Variants in C7orf78 observed in about 807,000 individuals in gnomAD.
The protein encoded by C7orf78 is chromosome 7 open reading frame 78.
chr7:12,530,357 T>C, the C7orf78 span: 2 of 152,076 alleles, frequency 1.3e-5, no homozygotes, highest in Non-Finnish European at 2.9e-5. Context: ...AAAAGTATAT[T>C]TGGGGGTAAA....
the C7orf78 span, among the ~76,000 whole-genome samples, chr7:12,488,702 A>G: frequency 6.6e-6 from 1 of 152,112 alleles, no homozygotes; most frequent in Admixed American, 6.5e-5. Context: ...TGGACATTCA[A>G]TGAGGATAAA....
chr7:12,509,846 A>T, the C7orf78 span, among the ~76,000 whole-genome samples: 1 of 152,118 alleles, frequency 6.6e-6, no homozygotes, highest in African/African-American at 2.4e-5. Context: ...GTACTTTGGG[A>T]GGCCAAGGCA....
the C7orf78 span, among the ~76,000 whole-genome samples, chr7:12,538,652 A>G: frequency 6.6e-6 from 1 of 152,102 alleles, no homozygotes; most frequent in African/African-American, 2.4e-5. Context: ...TACAGGTCTG[A>G]TAAGAGGCAT....
At chr7:12,517,381 T>C in the C7orf78 span, among the ~76,000 whole-genome samples, 329 of 152,328 alleles carry the variant, frequency 2.2e-3, 1 homozygote, top group African/African-American at 7.7e-3. Flanking sequence ...CTCAAGTATG[T>C]TTTTATCGGC....
the C7orf78 span, among the ~76,000 whole-genome samples, chr7:12,486,675 T>C: frequency 2.0e-5 from 3 of 152,022 alleles, no homozygotes; most frequent in Admixed American, 6.6e-5. Context: ...TTAGTCAACA[T>C]TGTGGGCTCT....
chr7:12,535,963 C>T, the C7orf78 span, among the ~76,000 whole-genome samples: 2 of 152,318 alleles, frequency 1.3e-5, no homozygotes, highest in South Asian at 4.1e-4. Context: ...GATACAGCCT[C>T]CCACCCAGCT....
the C7orf78 span, among the ~76,000 whole-genome samples, chr7:12,496,063 C>T: frequency 6.6e-6 from 1 of 152,036 alleles, no homozygotes; most frequent in South Asian, 2.1e-4. Flanking sequence ...GTAGGTGCAA[C>T]TACAGGTGCC....
chr7:12,541,091 C>A, the C7orf78 span: 1 of 152,176 alleles, frequency 6.6e-6, no homozygotes, highest in Non-Finnish European at 1.5e-5. Flanking sequence ...ATGAAAGTTG[C>A]ATAATTTGAA....
chr7:12,487,460 G>A, the C7orf78 span, among the ~76,000 whole-genome samples: 1 of 152,168 alleles, frequency 6.6e-6, no homozygotes, highest in South Asian at 2.1e-4. Context: ...TCTCAGCAAG[G>A]AGAGAGTAAA....
the C7orf78 span, among the ~76,000 whole-genome samples, chr7:12,488,890 T>A: frequency 6.7e-6 from 1 of 149,146 alleles, no homozygotes; most frequent in South Asian, 2.1e-4. Context: ...ATTAAATCAA[T>A]ATGTGTGGAG....
At chr7:12,500,229 T>C in the C7orf78 span, among the ~76,000 whole-genome samples, 83 of 151,366 alleles carry the variant, frequency 5.5e-4, no homozygotes, top group Non-Finnish European at 9.1e-4. Context: ...ATAACTAAAA[T>C]CAGGCAGAAC....
At chr7:12,530,299 G>C in the C7orf78 span, 1 of 152,134 alleles carries the variant, frequency 6.6e-6, no homozygotes, top group Non-Finnish European at 1.5e-5. Context: ...ATATGAGACT[G>C]TCTGCAAAAG....
At chr7:12,523,174 G>A in the C7orf78 span, 2 of 398,342 alleles carry the variant, frequency 5.0e-6, no homozygotes, top group Non-Finnish European at 8.9e-6. Flanking sequence ...GCTACAAACT[G>A]TATACATCTT....
At chr7:12,537,427 A>G in the C7orf78 span, among the ~76,000 whole-genome samples, 1 of 152,208 alleles carries the variant, frequency 6.6e-6, no homozygotes, top group Non-Finnish European at 1.5e-5. Flanking sequence ...TGTGGGAGTT[A>G]CAATTCAAGA....
the C7orf78 span, among the ~76,000 whole-genome samples, chr7:12,514,454 G>A: frequency 6.6e-6 from 1 of 151,608 alleles, no homozygotes; most frequent in Non-Finnish European, 1.5e-5. Flanking sequence ...TGAGTTTCTT[G>A]TAAGCAGAAT....
At chr7:12,513,559 G>A in the C7orf78 span, among the ~76,000 whole-genome samples, 1 of 152,068 alleles carries the variant, frequency 6.6e-6, no homozygotes, top group African/African-American at 2.4e-5. Flanking sequence ...TATGGTTTTT[G>A]GAGTTCCCCT....
At chr7:12,524,740 G>A in the C7orf78 span, among the ~76,000 whole-genome samples, 72 of 152,022 alleles carry the variant, frequency 4.7e-4, no homozygotes, top group East Asian at 0.013. Context: ...CTACTTGGGA[G>A]GCTGAGGCAA....
chr7:12,499,244 TA>T, the C7orf78 span, among the ~76,000 whole-genome samples: 1 of 151,480 alleles, frequency 6.6e-6, no homozygotes, highest in African/African-American at 2.4e-5. Context: ...CTATTAACTT[TA>T]AATGTAAATG....
chr7:12,484,774 T>C, the C7orf78 span, among the ~76,000 whole-genome samples: 13 of 152,184 alleles, frequency 8.5e-5, no homozygotes, highest in Non-Finnish European at 1.3e-4. Flanking sequence ...CTAAATACTT[T>C]TTTCTGATTC....
Sources: gnomAD v4.1 joint callset for allele counts (sites outside exome capture counted in the v4.1 genomes callset) on GRCh38, gnomAD v4.1.1 for gene constraint, MANE v1.5 for transcripts, NCBI Gene and HGNC (gene_info 2026-07-23, HGNC 2026-07-21) for gene names.